Variants in FER observed in about 807,000 individuals in gnomAD.
FER encodes tyrosine-protein kinase Fer.
In FER, 63 loss-of-function variants were observed where a neutral mutation model predicts 111.0. The observed-to-expected ratio is 0.57, with a 90% CI of 0.46 to 0.70. The LOEUF (loss-of-function observed/expected upper bound fraction) is 0.70. Among genes scored for constraint, FER ranks in the 30% least tolerant of loss-of-function variants. FER has a pLI of 0.00. For synonymous variants in FER, 327 were observed against 313.9 expected, an observed-to-expected ratio of 1.04 and a Z score of -0.44; for missense variants, 914 against 954.0, an observed-to-expected ratio of 0.96 and a Z score of 0.55.
At chr5:109,042,658 G>T (rs912242067) in intron 14 of FER, among the ~76,000 whole-genome samples, 2 of 152,128 alleles carry the variant, frequency 1.3e-5, no homozygotes, top group African/African-American at 2.4e-5. Context: ...GGGCAATGGG[G>T]ATAATATGTA....
chr5:108,994,845 C>T (rs1763785920), intron 13 of FER, among the ~76,000 whole-genome samples: 1 of 152,038 alleles, frequency 6.6e-6, no homozygotes, highest in Admixed American at 6.6e-5. Context: ...TAGCTGTATG[C>T]CTAGGTATTT....
intron 13 of FER, among the ~76,000 whole-genome samples, chr5:109,019,604 C>A (rs920289944): frequency 1.3e-5 from 2 of 151,712 alleles, no homozygotes; most frequent in African/African-American, 4.8e-5. Flanking sequence ...CCTACTGATT[C>A]AGAAATTTTG....
At chr5:109,076,210 A>G (rs1776322197) in intron 16 of FER, among the ~76,000 whole-genome samples, 1 of 152,182 alleles carries the variant, frequency 6.6e-6, no homozygotes, top group African/African-American at 2.4e-5. Flanking sequence ...GAACCAAGAC[A>G]TTCAAAGTTA....
chr5:108,909,570 T>C (rs913529332), intron 10 of FER, among the ~76,000 whole-genome samples: 1 of 152,152 alleles, frequency 6.6e-6, no homozygotes, highest in African/African-American at 2.4e-5. Context: ...ATATGGTATA[T>C]GTTGTCAGAG....
At chr5:108,906,139 G>C (rs1483121510) in intron 10 of FER, among the ~76,000 whole-genome samples, 1 of 152,112 alleles carries the variant, frequency 6.6e-6, no homozygotes. Flanking sequence ...CCCACTCTTG[G>C]GTTTGTTGCA....
intron 17 of FER, among the ~76,000 whole-genome samples, chr5:109,100,948 TA>T (rs1748153342): frequency 6.7e-6 from 1 of 148,604 alleles, no homozygotes; most frequent in Admixed American, 6.7e-5. Flanking sequence ...TGGTCAAGGG[TA>T]AAAGATTTTC....
intron 19 of FER, among the ~76,000 whole-genome samples, chr5:109,186,621 C>T (rs375815710): frequency 6.6e-6 from 1 of 152,142 alleles, no homozygotes; most frequent in African/African-American, 2.4e-5. Context: ...GTTTCTCAAA[C>T]TCTTGTATTC....
chr5:108,948,508 A>T (rs1324853730), intron 11 of FER, among the ~76,000 whole-genome samples: 1 of 152,064 alleles, frequency 6.6e-6, no homozygotes, highest in Non-Finnish European at 1.5e-5. Flanking sequence ...GCATCTTCCT[A>T]TCTTAAGGAG....
intron 17 of FER, among the ~76,000 whole-genome samples, chr5:109,162,222 A>G (rs997599585): frequency 6.6e-6 from 1 of 152,126 alleles, no homozygotes; most frequent in African/African-American, 2.4e-5. Flanking sequence ...GAATCTCCAA[A>G]TGAGTAACAT....
intron 2 of FER, among the ~76,000 whole-genome samples, chr5:108,770,198 T>G (rs1213233395): frequency 6.6e-6 from 1 of 152,248 alleles, no homozygotes; most frequent in Non-Finnish European, 1.5e-5. Context: ...TCCTCCCACC[T>G]TGGTGTCCCA....
intron 13 of FER, among the ~76,000 whole-genome samples, chr5:109,018,545 T>C (rs1232742360): frequency 1.3e-5 from 2 of 151,802 alleles, no homozygotes; most frequent in African/African-American, 4.8e-5. Flanking sequence ...TGTCCCACAA[T>C]AGTGGATGTG....
At chr5:108,750,101 G>A (rs1234729466) in intron 1 of FER, among the ~76,000 whole-genome samples, 1 of 152,108 alleles carries the variant, frequency 6.6e-6, no homozygotes, top group African/African-American at 2.4e-5. Context: ...CTGTAAAGGT[G>A]TACTCCATTT....
chr5:109,029,006 G>GC lies in FER; in HGVS notation c.1657-8414dup, dbSNP rs201119287. ...CTAACAACCTAGTTCTTCTTGACCT[G>GC]CCACTTCAGTCATTATGGACTAATA... On this transcript the variant is annotated intron_variant, in intron 13 of 19. Coordinates refer to ENST00000281092, the MANE Select transcript of FER (RefSeq NM_005246.4). Among the ~76,000 whole-genome samples the GC allele has an allele frequency of 5.9e-3, 903 of 152,230 alleles. 6 individuals are homozygous for GC. The highest frequency in any genetic ancestry group is 0.021 in the African/African-American group (865 of 41,538).
At chr5:108,985,270 T>C (rs1195959918) in intron 13 of FER, among the ~76,000 whole-genome samples, 4 of 152,126 alleles carry the variant, frequency 2.6e-5, no homozygotes, top group Non-Finnish European at 4.4e-5. Flanking sequence ...TTTTGAAACA[T>C]TTTTAGCAAA....
chr5:109,013,512 C>T (rs1368563922), intron 13 of FER, among the ~76,000 whole-genome samples: 2 of 150,698 alleles, frequency 1.3e-5, no homozygotes, highest in Non-Finnish European at 3.0e-5. Context: ...CAAGTCTTTG[C>T]TATTGTGAAT....
chr5:108,962,049 A>C (rs1467185326), intron 13 of FER, among the ~76,000 whole-genome samples: 1 of 152,154 alleles, frequency 6.6e-6, no homozygotes, highest in Non-Finnish European at 1.5e-5. Flanking sequence ...ATAATGCCTA[A>C]CTTGAGGACA....
rs1178206742 is a variant in FER at position 108,844,996 on chromosome 5, GTATATATATATA to G, written c.481+9222_481+9233del. On this transcript the variant is annotated intron_variant, in intron 5 of 19. Coordinates refer to ENST00000281092, the MANE Select transcript of FER (RefSeq NM_005246.4). ...TTGTTCATTGCTGGTGTGTGTGTGT[GTATATATATATA>G]TATATATATATATATATATATATAT... Among the ~76,000 whole-genome samples the G allele has an allele frequency of 5.6e-3, 163 of 29,254 alleles. 1 individual carries two copies. The highest frequency in any genetic ancestry group is 9.6e-3 in the African/African-American group (97 of 10,082). 19.2% of individuals were successfully genotyped at this position (29,254 alleles called of 152,430 possible). A position where few individuals can be genotyped will look rare whatever the true frequency, so the allele number is the denominator to read the frequency against.
At chr5:108,793,400 A>G (rs1412066140) in intron 2 of FER, among the ~76,000 whole-genome samples, 1 of 151,934 alleles carries the variant, frequency 6.6e-6, no homozygotes, top group Non-Finnish European at 1.5e-5. Flanking sequence ...TTATTCATTC[A>G]TCTGTTGATG....
intron 17 of FER, among the ~76,000 whole-genome samples, chr5:109,103,156 G>A (rs966613538): frequency 6.6e-6 from 1 of 151,918 alleles, no homozygotes; most frequent in Non-Finnish European, 1.5e-5. Context: ...ATTTTTATAT[G>A]CCAAAACATA....
Sources: gnomAD v4.1 joint callset for allele counts (sites outside exome capture counted in the v4.1 genomes callset) on GRCh38, gnomAD v4.1.1 for gene constraint, MANE v1.5 for transcripts, NCBI Gene and HGNC (gene_info 2026-07-23, HGNC 2026-07-21) for gene names.